IKZF1: variants seen among roughly 807,000 people sequenced by gnomAD.
IKZF1 encodes DNA-binding protein Ikaros.
Under a neutral mutation model 51.7 loss-of-function variants are expected in IKZF1, and 10 were observed. The observed-to-expected ratio is 0.19, with a 90% CI of 0.12 to 0.33. IKZF1 has a LOEUF of 0.33. IKZF1 is among the 10% of genes least tolerant of loss of function. IKZF1 has a pLI of 1.00. For synonymous variants in IKZF1, 280 were observed against 282.3 expected, an observed-to-expected ratio of 0.99 and a Z score of 0.08; for missense variants, 484 against 707.5, an observed-to-expected ratio of 0.68 and a Z score of 3.58.
At chr7:50,336,501 C>T (rs2153407306) in intron 3 of IKZF1, among the ~76,000 whole-genome samples, 1 of 152,324 alleles carries the variant, frequency 6.6e-6, no homozygotes, top group Non-Finnish European at 1.5e-5. Flanking sequence ...ACCCTCAAAC[C>T]TGCTGACCTG....
intron 3 of IKZF1, among the ~76,000 whole-genome samples, chr7:50,351,906 C>T (rs1401277237): frequency 1.3e-5 from 2 of 152,138 alleles, no homozygotes; most frequent in East Asian, 1.9e-4. Context: ...TTCTTGAAAA[C>T]GCTTCAGTCT....
intron 3 of IKZF1, among the ~76,000 whole-genome samples, chr7:50,366,998 G>T (rs548980452): frequency 4.1e-4 from 63 of 152,298 alleles, no homozygotes; most frequent in African/African-American, 1.3e-3. Flanking sequence ...GTAAGGATTT[G>T]CTAGGAAATA....
chr7:50,350,380 G>A (rs1010894929), intron 3 of IKZF1, among the ~76,000 whole-genome samples: 2 of 152,204 alleles, frequency 1.3e-5, no homozygotes, highest in South Asian at 2.1e-4. Flanking sequence ...GGCTTTCACG[G>A]TGCAGATGCT....
chr7:50,393,807 G>A (rs369168073), intron 7 of IKZF1: 5 of 233,160 alleles, frequency 2.1e-5, no homozygotes, highest in African/African-American at 8.8e-5. Flanking sequence ...ACAGAGAGAT[G>A]GGTGGTGACT....
At chr7:50,369,689 A>G in intron 3 of IKZF1, 1 of 397,112 alleles carries the variant, frequency 2.5e-6, no homozygotes, top group Non-Finnish European at 4.4e-6. Flanking sequence ...AATTAAAAAC[A>G]ACCCCTTTCA....
At chr7:50,395,237 G>A (rs6952409) in intron 7 of IKZF1, among the ~76,000 whole-genome samples, 24,921 of 152,118 alleles carry the variant, frequency 0.16, 2,194 homozygotes, top group Middle Eastern at 0.24. Context: ...TGATGAATTA[G>A]GTGGATTGAT....
In IKZF1 at chr7:50,404,277, G is replaced by T. The variant is rs1338914482; in HGVS notation, c.*3650G>T. The T allele has an allele frequency of 4.5e-6, 1 of 222,050 alleles. No homozygotes were observed. Among genetic ancestry groups the T allele is most frequent in the African/African-American group, 2.2e-5 (1 of 44,684 alleles). 13.8% of individuals were successfully genotyped at this position (222,050 alleles called of 1,614,324 possible). A position where few individuals can be genotyped will look rare whatever the true frequency, so the allele number is the denominator to read the frequency against. Reference sequence around the variant, plus strand: ...AGTACATGCACAGGATTGTAAATGAGAAATGCAGTCATATTTCCAGTCTGC... The same window carrying T: ...AGTACATGCACAGGATTGTAAATGATAAATGCAGTCATATTTCCAGTCTGC... On this transcript the variant is annotated 3_prime_UTR_variant, in exon 8 of 8. Coordinates refer to ENST00000331340, the MANE Select transcript of IKZF1 (RefSeq NM_006060.6).
At chr7:50,310,721 A>G (rs1253167287) in intron 1 of IKZF1, among the ~76,000 whole-genome samples, 1 of 152,234 alleles carries the variant, frequency 6.6e-6, no homozygotes, top group Admixed American at 6.5e-5. Context: ...CAAAGTAGGA[A>G]TCTAGAACTT....
intron 3 of IKZF1, among the ~76,000 whole-genome samples, chr7:50,359,185 C>T (rs1259928460): frequency 1.3e-5 from 2 of 152,104 alleles, no homozygotes; most frequent in Non-Finnish European, 1.5e-5. Context: ...TGCTTGAGCC[C>T]AAGAGGTCAA....
Position 50,404,430 on chromosome 7 carries a change from G to GTGTTGC in IKZF1, c.*3803_*3804insTGTTGC. 4.4e-6 allele frequency: 1 copy of GTGTTGC among 228,522 alleles called. No homozygotes were observed. Among genetic ancestry groups the GTGTTGC allele is most frequent in the East Asian group, 6.2e-5 (1 of 16,128 alleles). The allele number at this position is 228,522 out of a possible 1,614,324, so 14.2% of individuals were successfully genotyped here. ...TAGTGATAGAACAAATAAATGCAAC[G>GTGTTGC]AATACTCTGTCTGCCCTATCCCGTG... is the stretch of plus-strand genomic sequence containing the variant. On this transcript the variant is annotated 3_prime_UTR_variant, in exon 8 of 8. Transcript: ENST00000331340.
chr7:50,391,278 A>G (rs1814971848), intron 6 of IKZF1, among the ~76,000 whole-genome samples: 1 of 152,150 alleles, frequency 6.6e-6, no homozygotes, highest in South Asian at 2.1e-4. Context: ...CTTGGGGGCC[A>G]CATTTTTGTA....
At chr7:50,377,933 G>A (rs1208368103) in intron 4 of IKZF1, among the ~76,000 whole-genome samples, 2 of 152,188 alleles carry the variant, frequency 1.3e-5, no homozygotes, top group Non-Finnish European at 2.9e-5. Flanking sequence ...GAAAAAAATA[G>A]TTGAAAATCC....
intron 5 of IKZF1, among the ~76,000 whole-genome samples, chr7:50,386,400 C>T (rs1182899244): frequency 6.6e-6 from 1 of 152,174 alleles, no homozygotes; most frequent in Non-Finnish European, 1.5e-5. Flanking sequence ...CTTTTTGTGT[C>T]CAACAGCTAC....
intron 3 of IKZF1, among the ~76,000 whole-genome samples, chr7:50,348,086 T>G (rs1025890254): frequency 1.6e-4 from 24 of 152,150 alleles, no homozygotes; most frequent in African/African-American, 5.8e-4. Flanking sequence ...TTCAAAAGAA[T>G]AAAGAAAATC....
intron 7 of IKZF1, 153 bp from the exon 8 acceptor site, chr7:50,399,765 G>T: frequency 2.6e-6 from 3 of 1,169,492 alleles, no homozygotes; most frequent in Non-Finnish European, 3.5e-6. Flanking sequence ...GCAGGTGTGT[G>T]TGTATGTGTG....
At chr7:50,323,127 C>G (rs1262228668) in intron 2 of IKZF1, among the ~76,000 whole-genome samples, 3 of 152,150 alleles carry the variant, frequency 2.0e-5, no homozygotes, top group African/African-American at 7.2e-5. Context: ...TGATTAAATG[C>G]TTTGTATTTA....
chr7:50,333,122 C>T (rs983377137), intron 3 of IKZF1, among the ~76,000 whole-genome samples: 6 of 151,828 alleles, frequency 4.0e-5, no homozygotes, highest in Non-Finnish European at 5.9e-5. Flanking sequence ...AGGTATTTTC[C>T]CTCTGGACTC....
At chr7:50,317,209 G>T (rs1791796866) in intron 1 of IKZF1, among the ~76,000 whole-genome samples, 1 of 152,216 alleles carries the variant, frequency 6.6e-6, no homozygotes, top group Admixed American at 6.5e-5. Context: ...TATAGTTGCT[G>T]TGACAAGATT....
intron 3 of IKZF1, among the ~76,000 whole-genome samples, chr7:50,364,281 C>A (rs1197225976): frequency 6.6e-6 from 1 of 152,132 alleles, no homozygotes; most frequent in Non-Finnish European, 1.5e-5. Context: ...TCATTTTTCC[C>A]ATAATGTTCA....
Sources: allele counts gnomAD v4.1 joint callset (sites outside exome capture counted in the v4.1 genomes callset), GRCh38; gene constraint gnomAD v4.1.1; transcripts MANE v1.5; gene names NCBI Gene and HGNC (gene_info 2026-07-23, HGNC 2026-07-21).